Variants in CYP27C1 observed in about 807,000 individuals in gnomAD.
The protein encoded by CYP27C1 is cytochrome P450 27C1.
A neutral mutation model predicts 40.6 loss-of-function variants in CYP27C1; 29 were observed. That is an observed-to-expected ratio of 0.71 (90% confidence interval 0.53 to 0.97). The LOEUF is 0.97. Ranked by LOEUF, CYP27C1 falls within the 50% of genes least tolerant of loss-of-function variation. CYP27C1 has a pLI of 0.00. For missense variants in CYP27C1, 390 were observed against 485.8 expected, an observed-to-expected ratio of 0.80 and a Z score of 1.85; for synonymous variants, 198 against 186.8, an observed-to-expected ratio of 1.06 and a Z score of -0.49.
rs1041756546 is a variant in CYP27C1, at chr2:127,185,306, A to G, written c.*1965T>C. 2 of 152,104 alleles carry G rather than the reference A, an allele frequency of 1.3e-5. No homozygotes were observed. Among genetic ancestry groups the G allele is most frequent in the African/African-American group, 4.8e-5 (2 of 41,374 alleles). The allele number at this position is 152,104 out of a possible 1,614,324, so 9.4% of individuals were successfully genotyped here. On this transcript the variant is annotated 3_prime_UTR_variant, in exon 9 of 9. Coordinates refer to ENST00000664447, the MANE Select transcript of CYP27C1 (RefSeq NM_001367502.1). This position sits in a 1 kb window ranked among gnomAD's most constrained non-coding sequence, Gnocchi z 4.9. ...GCTGCTTCCCTTCCTGTTCAGTGAGACTCAGCAGCGGGCACAGGTGCTACC... is the reference window on the plus strand; with the variant it reads ...GCTGCTTCCCTTCCTGTTCAGTGAGGCTCAGCAGCGGGCACAGGTGCTACC...
At chr2:127,198,211 A>ACACACACACACACACACACG (rs1276568709) in intron 5 of CYP27C1, among the ~76,000 whole-genome samples, 14 of 151,244 alleles carry the variant, frequency 9.3e-5, no homozygotes, top group Middle Eastern at 3.2e-3. Context: ...ACACACACAC[A>ACACACACACACACACACACG]CACGCACTCA....
intron 1 of CYP27C1, among the ~76,000 whole-genome samples, chr2:127,216,255 C>G (rs1313862408): frequency 1.3e-5 from 2 of 152,176 alleles, no homozygotes; most frequent in African/African-American, 4.8e-5. Flanking sequence ...TTCACAGCAG[C>G]ATTATTCATT....
At chr2:127,203,223 G>C (rs894334740) in intron 3 of CYP27C1, 149 bp downstream of exon 3, 2 of 814,018 alleles carry the variant, frequency 2.5e-6, no homozygotes, top group Non-Finnish European at 1.9e-6. Flanking sequence ...GTTCACACCA[G>C]GTTCACGTTA....
At position 127,185,906 on chromosome 2, in the gene CYP27C1, ACTC is replaced by A. The variant is rs1375251042; in HGVS notation, c.*1362_*1364del. 6.6e-6 allele frequency: 1 copy of A among 152,010 alleles called. No individual in the cohort carries two copies. The highest frequency in any genetic ancestry group is 1.9e-4 in the East Asian group (1 of 5,192). 9.4% of individuals were successfully genotyped at this position (152,010 alleles called of 1,614,324 possible). A position where few individuals can be genotyped will look rare whatever the true frequency, so the allele number is the denominator to read the frequency against. ...GGTGAGCAGCAGGAAAGGCAACAGA[ACTC>A]CTCAGGACCCAGCACTCCCGGAGCC... On this transcript the variant is annotated 3_prime_UTR_variant, in exon 9 of 9. Transcript: ENST00000664447. This position sits in a 1 kb window ranked among gnomAD's most constrained non-coding sequence, Gnocchi z 4.9.
chr2:127,193,743 A>G, intron 7 of CYP27C1, 46 bp downstream of exon 7: 1 of 1,606,986 alleles, frequency 6.2e-7, no homozygotes, highest in South Asian at 1.1e-5. Flanking sequence ...ATTCCAATTC[A>G]ACCCCGACCC....
At position 127,196,321 on chromosome 2, in the gene CYP27C1, A is replaced by G. The variant is rs541170422; in HGVS notation, c.1048-820T>C. On this transcript the variant is annotated intron_variant, in intron 5 of 8. Transcript: ENST00000664447. The surrounding 1 kb of genome is among the most constrained non-coding windows in gnomAD (Gnocchi z 4.5). Reference sequence around the variant, plus strand: ...GTGATCTGCCCACCTCGGGTCTCCCAAAGTGCTGGGATTACAGGCGTGAGC... The same window carrying G: ...GTGATCTGCCCACCTCGGGTCTCCCGAAGTGCTGGGATTACAGGCGTGAGC... Among the ~76,000 whole-genome samples the G allele has an allele frequency of 1.8e-4, 27 of 151,940 alleles. No homozygotes were observed. Among genetic ancestry groups the G allele is most frequent in the Non-Finnish European group, 3.7e-4 (25 of 67,976 alleles).
chr2:127,199,511 C>A lies in CYP27C1; in HGVS notation c.912G>T (p.Arg304Ser), dbSNP rs149032745. 47 of 1,613,680 alleles carry A rather than the reference C, an allele frequency of 2.9e-5. No homozygotes were observed. The African/African-American group carries it at 5.7e-4, about 20-fold the overall frequency. Residue 304 changes from arginine (R) to serine (S), a missense_variant, in exon 5 of 9, where the codon AGG (arginine) becomes AGT (serine). Arg to Ser is a moderately radical substitution (Grantham distance 110). Transcript: ENST00000664447. ...FSQIHVDNKL[R>S]DIQYQMDRGR... ...CTCGGTCCATTTGGTACTGTATGTC[C>A]CTCAACTTGTTGTCAACATGAATTT...
At chr2:127,211,580 T>C (rs1425776947) in intron 1 of CYP27C1, among the ~76,000 whole-genome samples, 2 of 151,418 alleles carry the variant, frequency 1.3e-5, no homozygotes, top group African/African-American at 4.9e-5. Flanking sequence ...AGAGACGGGG[T>C]TTCACCGTAT....
chr2:127,198,553 T>C (rs1184074562), intron 5 of CYP27C1, among the ~76,000 whole-genome samples: 2 of 152,204 alleles, frequency 1.3e-5, no homozygotes, highest in Non-Finnish European at 2.9e-5. Context: ...TTACATTTAA[T>C]ATACAATCAT....
Position 127,205,886 on chromosome 2 carries a change from G to T in CYP27C1, c.473+14C>A. ...CCCTCCAGCCCGTGGCTCAGCCCGG[G>T]CCCACATACTCACGCCGAGATGAGC... On this transcript the variant is annotated intron_variant, in intron 2 of 8. Transcript: ENST00000664447. 2.6e-6 allele frequency: 1 copy of T among 378,002 alleles called. No homozygotes were observed. The allele number at this position is 378,002 out of a possible 1,614,324, so 23.4% of individuals were successfully genotyped here. A position where few individuals can be genotyped will look rare whatever the true frequency, so the allele number is the denominator to read the frequency against.
At chr2:127,204,625 G>GAAAGAAAGAAAGA (rs112099461) in intron 2 of CYP27C1, among the ~76,000 whole-genome samples, 1,985 of 93,876 alleles carry the variant, frequency 0.021, 245 homozygotes, top group East Asian at 0.048. Context: ...AAGAAAGAAA[G>GAAAGAAAGAAAGA]AAGACTGCAG....
chr2:127,187,861 G>A (rs766677821), intron 8 of CYP27C1, among the ~76,000 whole-genome samples: 2 of 152,156 alleles, frequency 1.3e-5, no homozygotes, highest in Non-Finnish European at 2.9e-5. Context: ...AGACTTCATC[G>A]TGCTACTATC....
At chr2:127,204,559 AAGAAAG>A (rs1683169422) in intron 2 of CYP27C1, among the ~76,000 whole-genome samples, 3 of 36,540 alleles carry the variant, frequency 8.2e-5, no homozygotes, top group African/African-American at 3.7e-4. Context: ...GAGAGAGAGA[AAGAAAG>A]AAAGAAAGAA....
chr2:127,192,837 G>A (rs1682813207), intron 8 of CYP27C1, among the ~76,000 whole-genome samples: 1 of 76,238 alleles, frequency 1.3e-5, no homozygotes, highest in Non-Finnish European at 2.8e-5. Flanking sequence ...TTTGGATAGG[G>A]TCTCACTCTG....
chr2:127,203,626 A>T, intron 2 of CYP27C1, 55 bp from the exon 3 acceptor site: 1 of 1,552,944 alleles, frequency 6.4e-7, no homozygotes, highest in South Asian at 1.2e-5. Flanking sequence ...ATTCTGGGAA[A>T]GAATTCAAGG....
chr2:127,192,178 C>T (rs1431734027), intron 8 of CYP27C1, among the ~76,000 whole-genome samples: 1 of 152,178 alleles, frequency 6.6e-6, no homozygotes, highest in Non-Finnish European at 1.5e-5. Context: ...CCTGCACCTG[C>T]CACTGTGGGA....
rs1316097858 is a variant in CYP27C1 at position 127,196,953 on chromosome 2, A to G, written c.1048-1452T>C. On this transcript the variant is annotated intron_variant, in intron 5 of 8. Coordinates refer to ENST00000664447, the MANE Select transcript of CYP27C1 (RefSeq NM_001367502.1). This position sits in a 1 kb window ranked among gnomAD's most constrained non-coding sequence, Gnocchi z 4.5. ...ATCTGTATCGCATTATGCAGTTTAA[A>G]TGGAGTTGACTATGCATAAGTTATA... Among the ~76,000 whole-genome samples, 1 of 152,212 alleles carries G rather than the reference A, an allele frequency of 6.6e-6. No homozygotes were observed. Among genetic ancestry groups the G allele is most frequent in the Non-Finnish European group, 1.5e-5 (1 of 68,028 alleles).
At position 127,195,438 on chromosome 2, in the gene CYP27C1, C is replaced by T; in HGVS notation, c.1111G>A (p.Val371Met). The T allele has an allele frequency of 1.9e-6, 3 of 1,614,132 alleles. No homozygotes were observed. Among genetic ancestry groups the T allele is most frequent in the South Asian group, 1.1e-5 (1 of 91,084 alleles). ...LARHPEVQQTVYREIVKNLGE... is the reference protein window; with the variant it reads ...LARHPEVQQTMYREIVKNLGE... ...AAATTCTTCACAATCTCCCGGTACA[C>T]CGTCTGCTGCACTTCTGGGTGCCTT... is the stretch of plus-strand genomic sequence containing the variant. Residue 371 changes from valine (V) to methionine (M), a missense_variant, in exon 6 of 9, where the codon GTG (valine) becomes ATG (methionine). Transcript: ENST00000664447. This position sits in a 1 kb window ranked among gnomAD's most constrained non-coding sequence, Gnocchi z 6.2.
At chr2:127,194,590 G>C (rs1369690894) in intron 6 of CYP27C1, among the ~76,000 whole-genome samples, 1 of 152,190 alleles carries the variant, frequency 6.6e-6, no homozygotes, top group Non-Finnish European at 1.5e-5. Flanking sequence ...CTGTCTGGGA[G>C]TAATTGAGCC....
Sources: allele counts gnomAD v4.1 joint callset (sites outside exome capture counted in the v4.1 genomes callset), GRCh38; gene constraint gnomAD v4.1.1; non-coding constraint Gnocchi (gnomAD v3.1); transcripts MANE v1.5; gene names NCBI Gene and HGNC (gene_info 2026-07-23, HGNC 2026-07-21).